The following MXD3 variants were observed in gnomAD, a reference collection of about 807,000 sequenced individuals.
MXD3 encodes Max-associated protein 3.
Under a neutral mutation model 27.5 loss-of-function variants are expected in MXD3, and 20 were observed. That is an observed-to-expected ratio of 0.73 (90% CI 0.51 to 1.06). MXD3 has a LOEUF of 1.06. Ranked by LOEUF, MXD3 falls within the 50% of genes least tolerant of loss-of-function variation. The probability of loss-of-function intolerance (pLI) is 0.00; values close to 1 mark genes in which losing one functional copy is unlikely to be tolerated. For missense variants in MXD3, 298 were observed against 291.3 expected (o/e 1.02, Z -0.17); for synonymous variants, 150 against 130.7 (o/e 1.15, Z -1.01).
upstream of MXD3, chr5:177,311,974 A>C (rs1241289743): frequency 1.1e-5 from 14 of 1,319,352 alleles, no homozygotes; most frequent in Non-Finnish European, 1.2e-5. Context: ...GGGAACGCCC[A>C]GCCCTTGGCT....
chr5:177,306,185 C>A, downstream of MXD3: 1 of 1,611,184 alleles, frequency 6.2e-7, no homozygotes, highest in Non-Finnish European at 8.5e-7. Context: ...AGGTGAGTTT[C>A]TGGGTATGTG....
downstream of MXD3, chr5:177,306,062 C>A (rs751483647): frequency 2.5e-6 from 4 of 1,601,134 alleles, no homozygotes; most frequent in East Asian, 2.2e-5. Context: ...GGTCAGTGGG[C>A]AACTCAGTAT....
downstream of MXD3, chr5:177,306,792 G>C: frequency 1.2e-6 from 1 of 852,670 alleles, no homozygotes; most frequent in South Asian, 1.8e-5. Flanking sequence ...GAGGCACAGA[G>C]GTGCGGTGAC....
At chr5:177,306,372 G>A (rs760442893), downstream of MXD3, 1 of 1,612,298 alleles carries the variant, frequency 6.2e-7, no homozygotes, top group Non-Finnish European at 8.5e-7. Context: ...GGGAAATTAG[G>A]TTGGTCTTTC....
Position 177,311,484 on chromosome 5 carries a change from T to G in MXD3, c.71A>C (p.Glu24Ala). The change falls in exon 2 of 6, where the codon GAG becomes GCG. Residue 24 changes from glutamate (E) to alanine (A), a missense_variant and splice_region_variant. Glu to Ala is a moderately radical substitution (Grantham distance 107, BLOSUM62 -1). Coordinates refer to ENST00000439742, the MANE Select transcript of MXD3 (RefSeq NM_031300.4). ...AAEFLERRER[E>A]AEHGYASLCP... ...CAGGGACGCATAACCATGCTCGGCC[T>G]CTGCCAGAGAGAGTCCCCGCCCGCG... The G allele has an allele frequency of 7.0e-7, 1 of 1,430,554 alleles. No individual in the cohort carries two copies. Among genetic ancestry groups the G allele is most frequent in the Non-Finnish European group, 9.1e-7 (1 of 1,093,176 alleles). The allele number at this position is 1,430,554 out of a possible 1,614,324, so 88.6% of individuals were successfully genotyped here. A position where few individuals can be genotyped will look rare whatever the true frequency, so the allele number is the denominator to read the frequency against.
chr5:177,312,547 G>A, upstream of MXD3: 2 of 985,452 alleles, frequency 2.0e-6, no homozygotes, highest in Non-Finnish European at 2.4e-6. Flanking sequence ...CGGCGGACCC[G>A]GCTCCTGCCC....
intron 4 of MXD3, 102 bp downstream of exon 4, chr5:177,310,324 A>T: frequency 1.2e-6 from 1 of 824,416 alleles, no homozygotes; most frequent in South Asian, 1.7e-5. Context: ...ACAGTTCTTG[A>T]GCTCTGACCT....
At chr5:177,306,784 G>A, downstream of MXD3, 1 of 884,604 alleles carries the variant, frequency 1.1e-6, no homozygotes, top group East Asian at 2.7e-5. Flanking sequence ...TGAGGACCGA[G>A]GCACAGAGGT....
downstream of MXD3, chr5:177,305,924 T>C: frequency 1.2e-6 from 2 of 1,614,188 alleles, no homozygotes; most frequent in Non-Finnish European, 8.5e-7. Flanking sequence ...GTGGCTGGAC[T>C]GAAATCCGCC....
At chr5:177,308,686 C>A (rs567617793) in intron 4 of MXD3, among the ~76,000 whole-genome samples, 1 of 152,144 alleles carries the variant, frequency 6.6e-6, no homozygotes, top group Non-Finnish European at 1.5e-5. Context: ...CATTTCTTTA[C>A]GAGAAGCTAG....
intron 4 of MXD3, among the ~76,000 whole-genome samples, chr5:177,309,591 G>A (rs764137268): frequency 5.9e-5 from 9 of 152,252 alleles, no homozygotes; most frequent in South Asian, 2.1e-4. Flanking sequence ...TACTAACAGC[G>A]CATAGGTCTT....
downstream of MXD3, chr5:177,306,098 G>T (rs1322755097): frequency 6.2e-7 from 1 of 1,611,624 alleles, no homozygotes; most frequent in East Asian, 2.2e-5. Flanking sequence ...CTCATGCCAG[G>T]AATTTGGTCT....
chr5:177,307,458 C>G lies in MXD3; in HGVS notation c.*130G>C. 6.5e-7 allele frequency: 1 copy of G among 1,531,108 alleles called. No individual in the cohort carries two copies. Among genetic ancestry groups the G allele is most frequent in the Non-Finnish European group, 8.8e-7 (1 of 1,138,618 alleles). The allele number at this position is 1,531,108 out of a possible 1,614,324, so 94.8% of individuals were successfully genotyped here. On this transcript the variant is annotated 3_prime_UTR_variant, in exon 6 of 6. Coordinates refer to ENST00000439742, the MANE Select transcript of MXD3 (RefSeq NM_031300.4). ...CAGGGTGTTTGGGGAGCACCTGTTC[C>G]CACACAAGGGTCCTTTTAGTCCATT...
At position 177,307,896 on chromosome 5, in the gene MXD3, C is replaced by A; in HGVS notation, c.390G>T (p.Leu130=). ...KERLRSKQQS[L]QRQLEQLRGL... ...CCCGGAGCTGCTCCAGCTGCCGCTG[C>A]AGGCTCTGCTGCTTGCTGCGCAGCC... Residue 130 remains leucine (L), a synonymous_variant, in exon 5 of 6, where the codon CTG becomes CTT. Transcript: ENST00000439742. 1 of 1,604,226 alleles carries A rather than the reference C, an allele frequency of 6.2e-7. No individual in the cohort carries two copies. Among genetic ancestry groups the A allele is most frequent in the Non-Finnish European group, 8.5e-7 (1 of 1,176,168 alleles).
upstream of MXD3, chr5:177,312,652 C>T: frequency 1.0e-6 from 1 of 985,472 alleles, no homozygotes; most frequent in Non-Finnish European, 1.2e-6. Context: ...AATATCTCGG[C>T]CCCCCTCCTC....
At chr5:177,308,076 C>A in intron 4 of MXD3, 112 bp from the exon 5 acceptor site, 1 of 1,047,294 alleles carries the variant, frequency 9.5e-7, no homozygotes, top group Admixed American at 2.9e-5. Context: ...CCACTCCGGG[C>A]AGGTGGCGAC....
upstream of MXD3, chr5:177,312,003 C>A: frequency 7.8e-7 from 1 of 1,282,336 alleles, no homozygotes; most frequent in Non-Finnish European, 9.9e-7. Context: ...CTGGAACCCG[C>A]CACGGAGCCG....
downstream of MXD3, chr5:177,307,052 G>T (rs1199852768): frequency 6.9e-7 from 1 of 1,452,740 alleles, no homozygotes; most frequent in Non-Finnish European, 9.1e-7. Context: ...TCTACCATCC[G>T]TGAAGTGGAG....
intron 1 of MXD3, 107 bp from the exon 2 acceptor site, chr5:177,311,591 TC>T: frequency 8.6e-7 from 1 of 1,162,086 alleles, no homozygotes. Context: ...CAGGACCATT[TC>T]CCCCACCCGT....
Sources: allele counts gnomAD v4.1 joint callset (sites outside exome capture counted in the v4.1 genomes callset), GRCh38; gene constraint gnomAD v4.1.1; transcripts MANE v1.5; gene names NCBI Gene and HGNC (gene_info 2026-07-23, HGNC 2026-07-21).